The following HECW2 variants were observed in gnomAD, a reference collection of about 807,000 sequenced individuals.
HECW2 encodes the protein HECT, C2 and WW domain containing E3 ubiquitin protein ligase 2.
A neutral mutation model predicts 175.2 loss-of-function variants in HECW2; 61 were observed. The ratio of observed to expected loss-of-function variants is 0.35; its 90% CI spans 0.28 to 0.43. The LOEUF is 0.43. Ranked by LOEUF, HECW2 falls within the 20% of genes least tolerant of loss-of-function variation. The pLI, the probability that HECW2 is intolerant of heterozygous loss-of-function variation, is 1.00. For synonymous variants in HECW2, 671 were observed against 731.0 expected (o/e 0.92, Z 1.32); for missense variants, 1,524 against 2,000.5 (o/e 0.76, Z 4.54).
intron 2 of HECW2, among the ~76,000 whole-genome samples, chr2:196,367,530 T>TA (rs1376949154): frequency 6.6e-6 from 1 of 152,200 alleles, no homozygotes; most frequent in Non-Finnish European, 1.5e-5. Flanking sequence ...AAATGTACAA[T>TA]AAATTATTGT....
In HECW2 at chr2:196,278,624, G is replaced by C; in HGVS notation, c.3039C>G (p.Phe1013Leu). ...TCTGAAGTGGGAGCCGGGGATCAAT[G>C]AAAGTGGTGGTGCGGGAGTTGTGGT... ...FVDHNSRTTT[F>L]IDPRLPLQSS... The change falls in exon 15 of 29, where the codon TTC becomes TTG. Residue 1013 changes from phenylalanine (F) to leucine (L), a missense_variant. By Grantham distance (22) the Phe-to-Leu change is conservative (BLOSUM62 0). This residue lies in a region of HECW2 where 291 missense variants were observed against 412.2 expected (regional missense o/e 0.71). Transcript: ENST00000644978. 1.2e-6 allele frequency: 2 copies of C among 1,614,096 alleles called. No homozygotes were observed. Among genetic ancestry groups the C allele is most frequent in the Non-Finnish European group, 1.7e-6 (2 of 1,180,002 alleles).
intron 1 of HECW2, among the ~76,000 whole-genome samples, chr2:196,555,602 G>A (rs1303097612): frequency 1.3e-5 from 2 of 151,956 alleles, no homozygotes; most frequent in Admixed American, 1.3e-4. Flanking sequence ...CAGAAAAATG[G>A]GAAAAGAAAA....
intron 1 of HECW2, among the ~76,000 whole-genome samples, chr2:196,468,879 G>A (rs191723232): frequency 1.3e-5 from 2 of 152,288 alleles, no homozygotes; most frequent in Admixed American, 1.3e-4. Flanking sequence ...GTGTTGTTGA[G>A]ATTTTTCCTA....
intron 10 of HECW2, among the ~76,000 whole-genome samples, chr2:196,308,462 C>T (rs1423909581): frequency 6.6e-6 from 1 of 152,120 alleles, no homozygotes; most frequent in Non-Finnish European, 1.5e-5. Flanking sequence ...CCAAAAAAAC[C>T]TGATTTCTCC....
In HECW2 at chr2:196,431,193, C is replaced by A. The variant is rs1695702258; in HGVS notation, c.292+1939G>T. On this transcript the variant is annotated intron_variant, in intron 2 of 28. Transcript: ENST00000644978. ...CTAATTCTGCTTTCCTAGTGACAAC[C>A]TTGGATTAATTCCAGACTTAGGACT... Among the ~76,000 whole-genome samples, 3 of 152,156 alleles carry A rather than the reference C, an allele frequency of 2.0e-5. No homozygotes were observed. The South Asian group carries it at 6.2e-4, about 31-fold the overall frequency.
intron 1 of HECW2, among the ~76,000 whole-genome samples, chr2:196,462,044 A>G (rs1337941830): frequency 6.6e-6 from 1 of 152,106 alleles, no homozygotes; most frequent in African/African-American, 2.4e-5. Flanking sequence ...TCATATATAT[A>G]TGTGTGTGTG....
At chr2:196,403,834 G>A (rs1694886171) in intron 2 of HECW2, among the ~76,000 whole-genome samples, 3 of 152,176 alleles carry the variant, frequency 2.0e-5, no homozygotes, top group Admixed American at 2.0e-4. Context: ...CTGTCTTCCT[G>A]CTTAAGATAT....
chr2:196,266,747 T>G (rs1432088420), intron 17 of HECW2, among the ~76,000 whole-genome samples: 1 of 152,224 alleles, frequency 6.6e-6, no homozygotes, highest in Non-Finnish European at 1.5e-5. Flanking sequence ...TTTTGAAACT[T>G]TAACTTTTTA....
intron 13 of HECW2, among the ~76,000 whole-genome samples, chr2:196,293,834 G>T (rs539135887): frequency 6.6e-6 from 1 of 152,278 alleles, no homozygotes; most frequent in South Asian, 2.1e-4. Context: ...GGGCCAAGTT[G>T]CATGGAAAAA....
chr2:196,412,179 T>A (rs975638820), intron 2 of HECW2, among the ~76,000 whole-genome samples: 1 of 152,164 alleles, frequency 6.6e-6, no homozygotes, highest in African/African-American at 2.4e-5. Context: ...AACAACAGAA[T>A]GTTAAAGTTC....
intron 7 of HECW2, 36 bp from the exon 8 acceptor site, chr2:196,320,475 C>CA: frequency 6.4e-6 from 9 of 1,405,658 alleles, no homozygotes; most frequent in African/African-American, 1.4e-5. Flanking sequence ...ATCCTGACTA[C>CA]GCTGGAGTCA....
At chr2:196,206,967 G>A (rs1404928646) in intron 28 of HECW2, among the ~76,000 whole-genome samples, 1 of 152,204 alleles carries the variant, frequency 6.6e-6, no homozygotes, top group African/African-American at 2.4e-5. Context: ...AGGCTTGAAA[G>A]ATTTGTAGGT....
chr2:196,340,102 T>C (rs1376976136), intron 3 of HECW2, among the ~76,000 whole-genome samples: 1 of 145,160 alleles, frequency 6.9e-6, no homozygotes, highest in East Asian at 1.9e-4. Context: ...GAGTTAAAGA[T>C]AAACAAATTT....
intron 2 of HECW2, among the ~76,000 whole-genome samples, chr2:196,419,176 A>G (rs1485900150): frequency 6.6e-6 from 1 of 152,218 alleles, no homozygotes; most frequent in Non-Finnish European, 1.5e-5. Context: ...AACACAGTGT[A>G]ATCAGCACTG....
intron 2 of HECW2, among the ~76,000 whole-genome samples, chr2:196,344,707 TC>T (rs1360734890): frequency 1.3e-5 from 2 of 152,224 alleles, no homozygotes; most frequent in African/African-American, 2.4e-5. Flanking sequence ...TATATAGTGA[TC>T]CTGGCTCTTA....
At chr2:196,361,088 G>A (rs2105882935) in intron 2 of HECW2, among the ~76,000 whole-genome samples, 1 of 152,276 alleles carries the variant, frequency 6.6e-6, no homozygotes, top group African/African-American at 2.4e-5. Context: ...AAATTTCACT[G>A]TATAAAACTA....
At position 196,318,626 on chromosome 2, in the gene HECW2, T is replaced by C; in HGVS notation, c.2264A>G (p.Gln755Arg). The C allele has an allele frequency of 6.3e-7, 1 of 1,589,482 alleles. No individual in the cohort carries two copies. Among genetic ancestry groups the C allele is most frequent in the Non-Finnish European group, 8.6e-7 (1 of 1,168,182 alleles). ...GAAAAAESPP[Q>R]EEGSAGEAQG... ...GGCCTCCCCAGCACTGCCTTCTTCTTGCGGTGGGCTCTCGGCAGCAGCTGC... is the reference window on the plus strand; with the variant it reads ...GGCCTCCCCAGCACTGCCTTCTTCTCGCGGTGGGCTCTCGGCAGCAGCTGC... The change falls in exon 9 of 29, where the codon CAA becomes CGA. Residue 755 changes from glutamine to arginine, a missense_variant. Coordinates refer to ENST00000644978, the MANE Select transcript of HECW2 (RefSeq NM_001348768.2).
intron 16 of HECW2, among the ~76,000 whole-genome samples, chr2:196,273,049 ATTTT>A (rs778348590): frequency 1.1e-3 from 123 of 112,938 alleles, no homozygotes; most frequent in African/African-American, 3.4e-3. Context: ...AGCTGGTCTA[ATTTT>A]TTTTTTTTTT....
intron 14 of HECW2, among the ~76,000 whole-genome samples, chr2:196,282,288 A>G (rs970297433): frequency 6.6e-6 from 1 of 152,162 alleles, no homozygotes; most frequent in Admixed American, 6.5e-5. Flanking sequence ...CTGAAACACA[A>G]ATTTAATAGT....
Sources: gnomAD v4.1 joint callset for allele counts (sites outside exome capture counted in the v4.1 genomes callset) on GRCh38, gnomAD v4.1.1 for gene constraint, gnomAD v4.1.1 regional missense constraint, MANE v1.5 for transcripts, NCBI Gene and HGNC (gene_info 2026-07-23, HGNC 2026-07-21) for gene names.